The following ZNF560 variants were observed in gnomAD, a reference collection of about 807,000 sequenced individuals.
The protein encoded by ZNF560 is zinc finger protein 560.
A neutral mutation model predicts 81.8 loss-of-function variants in ZNF560; 54 were observed. That is an observed-to-expected ratio of 0.66 (90% CI 0.53 to 0.83). The LOEUF (loss-of-function observed/expected upper bound fraction) is 0.83. Among genes scored for constraint, ZNF560 ranks in the 40% least tolerant of loss-of-function variants. The probability of loss-of-function intolerance (pLI) is 0.00; values close to 1 mark genes in which losing one functional copy is unlikely to be tolerated. For synonymous variants in ZNF560, 321 were observed against 317.9 expected (o/e 1.01, Z -0.10); for missense variants, 940 against 932.4 (o/e 1.01, Z -0.11).
At chr19:9,471,460 T>G in intron 5 of ZNF560, 82 bp from the exon 6 acceptor site, 6 of 835,868 alleles carry the variant, frequency 7.2e-6, no homozygotes, top group Non-Finnish European at 1.0e-5. Flanking sequence ...ATAGGCCTCA[T>G]TCATATTTGT....
Position 9,467,154 on chromosome 19 carries a change from T to C in ZNF560, c.1793A>G (p.Lys598Arg). The C allele has an allele frequency of 6.2e-7, 1 of 1,614,108 alleles. No individual in the cohort carries two copies. The highest frequency in any genetic ancestry group is 1.3e-5 in the African/African-American group (1 of 75,050). ...TKHLRRHSGE[K>R]PYECKKCGKA... is the part of the protein sequence containing the mutation. ...TCCACATTTCTTACATTCATATGGC[T>C]TCTCTCCACTGTGTCTTCGTAAATG... Residue 598 changes from lysine (K) to arginine (R), a missense_variant, in exon 10 of 10, where the codon AAG becomes AGG. Physicochemically the swap from Lys to Arg is conservative, Grantham distance 26 (BLOSUM62 2). Transcript: ENST00000301480.
upstream of ZNF560, among the ~76,000 whole-genome samples, chr19:9,502,784 A>G (rs1486646221): frequency 6.6e-6 from 1 of 151,994 alleles, no homozygotes; most frequent in African/African-American, 2.4e-5. Flanking sequence ...TTTATTTCTG[A>G]ATAGTTTGTT....
downstream of ZNF560, among the ~76,000 whole-genome samples, chr19:9,463,709 C>T (rs1224742805): frequency 2.6e-5 from 4 of 152,100 alleles, no homozygotes; most frequent in African/African-American, 7.2e-5. Flanking sequence ...GTTTTTGAGA[C>T]AAGGCCTCTG....
upstream of ZNF560, among the ~76,000 whole-genome samples, chr19:9,502,480 G>A (rs556511682): frequency 2.6e-5 from 4 of 152,266 alleles, no homozygotes; most frequent in South Asian, 8.3e-4. Flanking sequence ...AAAGTGCTGG[G>A]ATTACAGGCA....
At chr19:9,492,850 A>G (rs2073494166) in intron 2 of ZNF560, among the ~76,000 whole-genome samples, 1 of 152,230 alleles carries the variant, frequency 6.6e-6, no homozygotes, top group African/African-American at 2.4e-5. Context: ...CAATCCCAGC[A>G]ATGTAGAGCA....
chr19:9,453,806 T>A, the ZNF560 span, among the ~76,000 whole-genome samples: 1 of 152,294 alleles, frequency 6.6e-6, no homozygotes, highest in African/African-American at 2.4e-5. Flanking sequence ...TGACTGATAA[T>A]ACTTGTAATA....
At chr19:9,462,504 GC>G (rs2072948491), downstream of ZNF560, among the ~76,000 whole-genome samples, 1 of 152,158 alleles carries the variant, frequency 6.6e-6, no homozygotes, top group African/African-American at 2.4e-5. Flanking sequence ...AAGGCTGTTA[GC>G]CCCCTGATCC....
At chr19:9,472,892 T>C (rs934191380) in intron 5 of ZNF560, among the ~76,000 whole-genome samples, 37 of 152,098 alleles carry the variant, frequency 2.4e-4, no homozygotes, top group Admixed American at 1.0e-3. Flanking sequence ...TAAAACACTA[T>C]GACACCACCC....
chr19:9,449,426 G>C, the ZNF560 span, among the ~76,000 whole-genome samples: 1 of 152,048 alleles, frequency 6.6e-6, no homozygotes, highest in East Asian at 1.9e-4. Context: ...AATTAAGGTG[G>C]AAATTTAAAA....
At chr19:9,456,974 C>T in the ZNF560 span, among the ~76,000 whole-genome samples, 6 of 152,262 alleles carry the variant, frequency 3.9e-5, no homozygotes, top group East Asian at 9.7e-4. Flanking sequence ...ACAAAGTTCC[C>T]GCCAAGACTT....
At chr19:9,447,007 G>A in the ZNF560 span, among the ~76,000 whole-genome samples, 2 of 151,920 alleles carry the variant, frequency 1.3e-5, no homozygotes, top group African/African-American at 2.4e-5. Flanking sequence ...GGTGGCGCGT[G>A]CCTATAGTCC....
At chr19:9,454,431 G>T in the ZNF560 span, among the ~76,000 whole-genome samples, 5 of 152,178 alleles carry the variant, frequency 3.3e-5, no homozygotes, top group African/African-American at 1.2e-4. Flanking sequence ...CGGGTCGAAG[G>T]GTCGCCAGAG....
intron 2 of ZNF560, among the ~76,000 whole-genome samples, chr19:9,496,841 C>T (rs2073566809): frequency 1.3e-5 from 2 of 151,706 alleles, no homozygotes; most frequent in African/African-American, 4.8e-5. Context: ...AAGGCTGAGG[C>T]AGGAGAATCG....
chr19:9,469,780 G>GTCCCTGTTTCAT, intron 7 of ZNF560, 70 bp from the exon 8 acceptor site: 3 of 1,303,216 alleles, frequency 2.3e-6, no homozygotes, highest in Non-Finnish European at 3.3e-6. Context: ...CCATGAAACA[G>GTCCCTGTTTCAT]GGACTACGTT....
chr19:9,468,659 A>ATTTCTCCCCT lies in ZNF560; in HGVS notation c.613-335_613-326dup, dbSNP rs961365337. On this transcript the variant is annotated intron_variant, in intron 9 of 9. Transcript: ENST00000301480. ...CAAGGTATGGGATCTCTCTCCAGAT[A>ATTTCTCCCCT]TTTCTCCCCTTGGGTGAATTGGGTG... 6.7e-5 allele frequency among the ~76,000 whole-genome samples: 10 copies of ATTTCTCCCCT among 150,354 alleles called. No homozygotes were observed. In the East Asian group the frequency reaches 9.8e-4, roughly 15 times the overall value.
At chr19:9,487,237 T>C (rs911395429) in intron 2 of ZNF560, among the ~76,000 whole-genome samples, 6 of 152,180 alleles carry the variant, frequency 3.9e-5, no homozygotes, top group African/African-American at 1.2e-4. Context: ...AAAGTAAAAT[T>C]GCCTTGCTGA....
the ZNF560 span, among the ~76,000 whole-genome samples, chr19:9,449,460 A>G: frequency 2.0e-5 from 3 of 152,222 alleles, no homozygotes; most frequent in Non-Finnish European, 4.4e-5. Context: ...AATGAAGGCA[A>G]AAAAACAAGA....
rs1334627460 is a variant in ZNF560 at position 9,466,620 on chromosome 19, G to T, written c.2327C>A (p.Ala776Asp). ...AATACGAGCTGAGAAAGAAGCAAAG[G>T]CTTTCCCACACTGGTCACATTCAAA... ...KPFECDQCGKAFASFSARIAH... is the reference protein window; with the variant it reads ...KPFECDQCGKDFASFSARIAH... Residue 776 changes from alanine (A) to aspartate (D), a missense_variant, in exon 10 of 10, where the codon GCC (alanine) becomes GAC (aspartate). By Grantham distance (126) the Ala-to-Asp change is moderately radical. Coordinates refer to ENST00000301480, the MANE Select transcript of ZNF560 (RefSeq NM_152476.3). The T allele has an allele frequency of 6.2e-7, 1 of 1,610,508 alleles. No homozygotes were observed. The highest frequency in any genetic ancestry group is 1.3e-5 in the African/African-American group (1 of 74,884).
intron 2 of ZNF560, among the ~76,000 whole-genome samples, chr19:9,496,074 T>C (rs944860537): frequency 6.6e-6 from 1 of 152,208 alleles, no homozygotes; most frequent in African/African-American, 2.4e-5. Context: ...ATTAAAGGTT[T>C]AACCTAGTAA....
Sources: gnomAD v4.1 joint callset for allele counts (sites outside exome capture counted in the v4.1 genomes callset) on GRCh38, gnomAD v4.1.1 for gene constraint, MANE v1.5 for transcripts, NCBI Gene and HGNC (gene_info 2026-07-23, HGNC 2026-07-21) for gene names.